Variants in SCUBE1 observed in about 807,000 individuals in gnomAD.
SCUBE1 encodes signal peptide, CUB domain and EGF like domain containing 1.
A neutral mutation model predicts 124.4 loss-of-function variants in SCUBE1; 59 were observed. That is an observed-to-expected ratio of 0.47 (90% CI 0.38 to 0.59). The LOEUF (loss-of-function observed/expected upper bound fraction) is 0.59, where lower values mean the gene tolerates loss of function less well. Among genes scored for constraint, SCUBE1 ranks in the 20% least tolerant of loss-of-function variants. The pLI is 0.00. For missense variants in SCUBE1, 1,150 were observed against 1,371.2 expected, an observed-to-expected ratio of 0.84 and a Z score of 2.55; for synonymous variants, 545 against 550.9, an observed-to-expected ratio of 0.99 and a Z score of 0.15.
chr22:43,300,002 C>G (rs1220293626), intron 3 of SCUBE1, among the ~76,000 whole-genome samples: 1 of 152,232 alleles, frequency 6.6e-6, no homozygotes, highest in Non-Finnish European at 1.5e-5. Context: ...CATGGACAGA[C>G]CACATTTCAT....
Position 43,255,127 on chromosome 22 carries a change from C to G in SCUBE1, c.727+3092G>C, listed in dbSNP as rs1205812546. Among the ~76,000 whole-genome samples, 2 of 152,236 alleles carry G rather than the reference C, an allele frequency of 1.3e-5. No individual in the cohort carries two copies. The highest frequency in any genetic ancestry group is 4.8e-5 in the African/African-American group (2 of 41,448). On this transcript the variant is annotated intron_variant, in intron 6 of 21. Coordinates refer to ENST00000360835, the MANE Select transcript of SCUBE1 (RefSeq NM_173050.5). This position sits in a 1 kb window ranked among gnomAD's most constrained non-coding sequence, Gnocchi z 4.7. ...CTAACTGTGAATGTGGGTGTTCACGCAAGTCGGGGAGCTTTACGACACACG... is the reference window on the plus strand; with the variant it reads ...CTAACTGTGAATGTGGGTGTTCACGGAAGTCGGGGAGCTTTACGACACACG...
At chr22:43,337,262 A>T (rs1601902368) in intron 2 of SCUBE1, among the ~76,000 whole-genome samples, 1 of 152,106 alleles carries the variant, frequency 6.6e-6, no homozygotes, top group East Asian at 1.9e-4. Context: ...GTTAAAGCTG[A>T]ACTCCGAAAA....
At chr22:43,309,034 G>A (rs1285304206) in intron 3 of SCUBE1, among the ~76,000 whole-genome samples, 2 of 151,990 alleles carry the variant, frequency 1.3e-5, no homozygotes, top group African/African-American at 2.4e-5. Context: ...GGTGGGGAGC[G>A]GACCGTGGGC....
chr22:43,263,901 C>T (rs1923966142), intron 4 of SCUBE1, among the ~76,000 whole-genome samples: 1 of 152,160 alleles, frequency 6.6e-6, no homozygotes. Context: ...CATGCTGCTG[C>T]CCTGCACAGA....
chr22:43,257,896 C>T (rs935637165), intron 6 of SCUBE1, among the ~76,000 whole-genome samples: 2 of 152,228 alleles, frequency 1.3e-5, no homozygotes, highest in African/African-American at 4.8e-5. Context: ...CCCACACACA[C>T]CCTGCCTGGG....
At chr22:43,212,194 C>T (rs1921590239) in intron 17 of SCUBE1, among the ~76,000 whole-genome samples, 1 of 152,126 alleles carries the variant, frequency 6.6e-6, no homozygotes, top group Admixed American at 6.5e-5. Flanking sequence ...CCCAGTGCTC[C>T]GAGGAGCTGC....
chr22:43,274,036 G>A (rs187669457), intron 4 of SCUBE1, among the ~76,000 whole-genome samples: 2 of 151,678 alleles, frequency 1.3e-5, no homozygotes, highest in Non-Finnish European at 1.5e-5. Context: ...TTTCTTCCCC[G>A]TTCCTCTCCC....
intron 3 of SCUBE1, among the ~76,000 whole-genome samples, chr22:43,304,098 C>T (rs1455775437): frequency 2.0e-5 from 3 of 152,208 alleles, no homozygotes; most frequent in African/African-American, 4.8e-5. Context: ...GAGAGCTCCC[C>T]AGAAGTGGGA....
intron 10 of SCUBE1, among the ~76,000 whole-genome samples, chr22:43,226,420 C>G (rs1175287546): frequency 7.1e-6 from 1 of 141,532 alleles, no homozygotes. Context: ...GTGAGGAGTG[C>G]TGGTGTGGGG....
intron 3 of SCUBE1, 88 bp downstream of exon 3, chr22:43,319,849 A>G: frequency 1.3e-6 from 2 of 1,500,446 alleles, no homozygotes; most frequent in Non-Finnish European, 1.8e-6. Flanking sequence ...AAGGAAGGAG[A>G]ACCTTCTCAT....
chr22:43,339,995 C>G (rs993148485), intron 1 of SCUBE1, among the ~76,000 whole-genome samples: 1 of 129,958 alleles, frequency 7.7e-6, no homozygotes, highest in Non-Finnish European at 1.6e-5. Context: ...AACCCTCCCC[C>G]CACTCTCCTC....
chr22:43,324,625 G>A (rs1214596488), intron 2 of SCUBE1, among the ~76,000 whole-genome samples: 1 of 152,176 alleles, frequency 6.6e-6, no homozygotes, highest in South Asian at 2.1e-4. Context: ...ATTTGCCAAA[G>A]CAAGTGGATT....
intron 3 of SCUBE1, among the ~76,000 whole-genome samples, chr22:43,310,646 G>A (rs932089966): frequency 6.6e-6 from 1 of 152,142 alleles, no homozygotes; most frequent in African/African-American, 2.4e-5. Context: ...GAATTCATGA[G>A]CAAAATAGTA....
At chr22:43,248,144 G>A (rs1923292336) in intron 6 of SCUBE1, among the ~76,000 whole-genome samples, 1 of 152,248 alleles carries the variant, frequency 6.6e-6, no homozygotes, top group Admixed American at 6.5e-5. Context: ...AGGGCAGGCA[G>A]TGAGATGTGG....
chr22:43,319,930 C>T lies in SCUBE1; in HGVS notation c.349+7G>A, dbSNP rs971067816. ...CCCAGAGGGTAGGCTACAGCTGTAT[C>T]ACTCACCCAGGCAGTTGTGTCCATC... On this transcript the variant is annotated splice_region_variant and intron_variant, in intron 3 of 21. Coordinates refer to ENST00000360835, the MANE Select transcript of SCUBE1 (RefSeq NM_173050.5). The T allele has an allele frequency of 3.1e-6, 5 of 1,613,856 alleles. No individual in the cohort carries two copies. The African/African-American group carries it at 5.3e-5, about 17-fold the overall frequency.
chr22:43,280,159 C>T (rs531418670), intron 4 of SCUBE1, among the ~76,000 whole-genome samples: 1 of 152,220 alleles, frequency 6.6e-6, no homozygotes, highest in Non-Finnish European at 1.5e-5. Flanking sequence ...GCGCTGTCTG[C>T]CTCTTCCAAA....
chr22:43,330,021 G>A (rs181947438), intron 2 of SCUBE1, among the ~76,000 whole-genome samples: 1 of 151,902 alleles, frequency 6.6e-6, no homozygotes, highest in Non-Finnish European at 1.5e-5. Context: ...GTGGGAGGTG[G>A]GGGCAGAGAC....
At chr22:43,342,588 C>T (rs2146809744) in intron 1 of SCUBE1, among the ~76,000 whole-genome samples, 1 of 151,946 alleles carries the variant, frequency 6.6e-6, no homozygotes, top group South Asian at 2.1e-4. Context: ...TGGGACCATC[C>T]CTCTTGATTC....
At chr22:43,341,776 T>C (rs1443609048) in intron 1 of SCUBE1, among the ~76,000 whole-genome samples, 2 of 152,148 alleles carry the variant, frequency 1.3e-5, no homozygotes, top group Non-Finnish European at 2.9e-5. Flanking sequence ...GGCTGCTCCC[T>C]TTGACTCTGG....
Sources: allele counts gnomAD v4.1 joint callset (sites outside exome capture counted in the v4.1 genomes callset), GRCh38; gene constraint gnomAD v4.1.1; non-coding constraint Gnocchi (gnomAD v3.1); transcripts MANE v1.5; gene names NCBI Gene and HGNC (gene_info 2026-07-23, HGNC 2026-07-21).